Variants in ERP44 observed in about 807,000 individuals in gnomAD.
ERP44 encodes the protein endoplasmic reticulum resident protein 44.
Under a neutral mutation model 53.4 loss-of-function variants are expected in ERP44, and 25 were observed. The observed-to-expected ratio is 0.47, with a 90% CI of 0.34 to 0.65. ERP44 has a LOEUF of 0.65. Ranked by LOEUF, ERP44 falls within the 30% of genes least tolerant of loss-of-function variation. The pLI, the probability that ERP44 is intolerant of heterozygous loss-of-function variation, is 0.01. For missense variants in ERP44, 338 were observed against 493.2 expected (o/e 0.69, Z 2.98); for synonymous variants, 145 against 161.2 (o/e 0.90, Z 0.76).
chr9:100,041,179 CA>C (rs1825896824), intron 4 of ERP44, among the ~76,000 whole-genome samples: 4 of 152,096 alleles, frequency 2.6e-5, no homozygotes, highest in Admixed American at 2.6e-4. Context: ...ACAAAAGACG[CA>C]GAATAGCCAA....
rs537011487 is a variant in ERP44 at position 100,031,467 on chromosome 9, C to T, written c.287-9241G>A. On this transcript the variant is annotated intron_variant, in intron 4 of 11. Coordinates refer to ENST00000262455, the MANE Select transcript of ERP44 (RefSeq NM_015051.3). ...GCTTTGTCTTTTCACAATGGTGGCA[C>T]AGGTTGAGGGTTCAATTCCTGGCTT... Among the ~76,000 whole-genome samples the T allele has an allele frequency of 5.3e-5, 8 of 152,322 alleles. No homozygotes were observed. In the South Asian group the frequency reaches 1.7e-3, roughly 32 times the overall value.
chr9:99,981,788 T>G lies in ERP44; in HGVS notation c.*824A>C, dbSNP rs933854091. ...TAAAATTACTGAAATACAATTTCTC[T>G]GCTAGTTCTTCTCTTTGGAAATTGA... On this transcript the variant is annotated 3_prime_UTR_variant, in exon 12 of 12. Coordinates refer to ENST00000262455, the MANE Select transcript of ERP44 (RefSeq NM_015051.3). The G allele has an allele frequency of 6.6e-6, 1 of 152,250 alleles. No individual in the cohort carries two copies. Among genetic ancestry groups the G allele is most frequent in the Non-Finnish European group, 1.5e-5 (1 of 68,040 alleles). The allele number at this position is 152,250 out of a possible 1,614,324, so 9.4% of individuals were successfully genotyped here.
chr9:100,014,612 T>A (rs1830510946), intron 8 of ERP44, among the ~76,000 whole-genome samples: 1 of 152,202 alleles, frequency 6.6e-6, no homozygotes, highest in Non-Finnish European at 1.5e-5. Flanking sequence ...TTTTAAATAA[T>A]TGGGAAAAAA....
At chr9:100,043,970 T>C (rs1333811843) in intron 4 of ERP44, among the ~76,000 whole-genome samples, 2 of 152,210 alleles carry the variant, frequency 1.3e-5, no homozygotes, top group Admixed American at 6.5e-5. Flanking sequence ...AAACATTATA[T>C]ACATGTATTC....
At chr9:100,048,943 C>A (rs2118702127) in intron 4 of ERP44, among the ~76,000 whole-genome samples, 2 of 151,822 alleles carry the variant, frequency 1.3e-5, no homozygotes, top group East Asian at 1.9e-4. Flanking sequence ...ACTGGTTGCA[C>A]AACAATGTGA....
At chr9:100,032,449 C>A (rs894814546) in intron 4 of ERP44, among the ~76,000 whole-genome samples, 2 of 152,032 alleles carry the variant, frequency 1.3e-5, no homozygotes, top group East Asian at 1.9e-4. Flanking sequence ...CCCCTAAAGT[C>A]AAAAAATGAC....
rs111301044 is a variant in ERP44, at chr9:100,053,054, C to T, written c.171-522G>A. Among the ~76,000 whole-genome samples the T allele has an allele frequency of 7.1e-3, 1,077 of 152,196 alleles. 8 individuals are homozygous for T. Among genetic ancestry groups the T allele is most frequent in the Middle Eastern group, 0.014 (4 of 294 alleles). ...CACCTCAAAATAATAAAATTTTAGA[C>T]TATTGTGTAAAATATTTTAACTGTA... is the stretch of plus-strand genomic sequence containing the variant. On this transcript the variant is annotated intron_variant, in intron 3 of 11. Transcript: ENST00000262455.
At chr9:100,024,289 A>T (rs1830628281) in intron 4 of ERP44, among the ~76,000 whole-genome samples, 1 of 151,698 alleles carries the variant, frequency 6.6e-6, no homozygotes, top group Admixed American at 6.6e-5. Flanking sequence ...ATAAAGAAAT[A>T]AAAAAGATCT....
At chr9:100,055,413 C>T (rs1052523842) in intron 3 of ERP44, among the ~76,000 whole-genome samples, 1 of 152,230 alleles carries the variant, frequency 6.6e-6, no homozygotes, top group Non-Finnish European at 1.5e-5. Context: ...CGCTCTGTCA[C>T]TCAGGCTGGA....
intron 4 of ERP44, among the ~76,000 whole-genome samples, chr9:100,047,453 T>A (rs1825985335): frequency 6.6e-6 from 1 of 152,184 alleles, no homozygotes; most frequent in Admixed American, 6.5e-5. Flanking sequence ...CCAAGGCCAT[T>A]CAATGGGGAA....
At chr9:99,999,221 A>AT (rs1279992082) in intron 10 of ERP44, among the ~76,000 whole-genome samples, 3 of 133,228 alleles carry the variant, frequency 2.3e-5, no homozygotes, top group South Asian at 2.4e-4. Context: ...GATGTTGATC[A>AT]TTTTTTCATA....
intron 1 of ERP44, among the ~76,000 whole-genome samples, chr9:100,080,948 G>C (rs1332232741): frequency 6.6e-6 from 1 of 151,530 alleles, no homozygotes; most frequent in East Asian, 1.9e-4. Flanking sequence ...AAGAAAAAAA[G>C]CTTCCTATAT....
Position 100,051,370 on chromosome 9 carries a change from A to G in ERP44, c.286+1047T>C, listed in dbSNP as rs141933778. Among the ~76,000 whole-genome samples, 11 of 152,364 alleles carry G rather than the reference A, an allele frequency of 7.2e-5. No individual in the cohort carries two copies. In the East Asian group the frequency reaches 2.1e-3, roughly 29 times the overall value. On this transcript the variant is annotated intron_variant, in intron 4 of 11. Transcript: ENST00000262455. Reference sequence around the variant, plus strand: ...TATCCATTTCCTCATCAGTAAAATGAAAAGTTAGGTGTGTGTACACACATA... The same window carrying G: ...TATCCATTTCCTCATCAGTAAAATGGAAAGTTAGGTGTGTGTACACACATA...
At chr9:100,092,657 GGAA>G (rs758540009) in intron 1 of ERP44, among the ~76,000 whole-genome samples, 1 of 152,164 alleles carries the variant, frequency 6.6e-6, no homozygotes, top group Non-Finnish European at 1.5e-5. Context: ...CTGAATTACT[GGAA>G]GAAGAGTAAG....
At chr9:100,019,128 C>G (rs965515927) in intron 6 of ERP44, among the ~76,000 whole-genome samples, 3 of 152,066 alleles carry the variant, frequency 2.0e-5, no homozygotes, top group Non-Finnish European at 4.4e-5. Context: ...TAAAGAATGA[C>G]AAATTAAATA....
intron 1 of ERP44, among the ~76,000 whole-genome samples, chr9:100,069,327 GA>G (rs1342579332): frequency 8.7e-6 from 1 of 114,394 alleles, no homozygotes; most frequent in African/African-American, 2.8e-5. Flanking sequence ...CCAAAAAAAA[GA>G]AAAAAGAAAA....
intron 1 of ERP44, among the ~76,000 whole-genome samples, chr9:100,094,119 A>C (rs1366074095): frequency 6.6e-6 from 1 of 152,248 alleles, no homozygotes; most frequent in Non-Finnish European, 1.5e-5. Flanking sequence ...AAGAATGGTA[A>C]CAACAGTGAA....
chr9:100,006,446 T>C, intron 10 of ERP44, 60 bp downstream of exon 10: 1 of 1,253,356 alleles, frequency 8.0e-7, no homozygotes, highest in East Asian at 2.3e-5. Flanking sequence ...CAAACAACTA[T>C]TTTCAGTTCA....
At chr9:100,090,506 T>C (rs1826540974) in intron 1 of ERP44, among the ~76,000 whole-genome samples, 1 of 152,124 alleles carries the variant, frequency 6.6e-6, no homozygotes, top group Non-Finnish European at 1.5e-5. Flanking sequence ...CCTAACACTT[T>C]GGGAGGCTGA....
Sources: allele counts gnomAD v4.1 joint callset (sites outside exome capture counted in the v4.1 genomes callset), GRCh38; gene constraint gnomAD v4.1.1; transcripts MANE v1.5; gene names NCBI Gene and HGNC (gene_info 2026-07-23, HGNC 2026-07-21).